The following CSMD2 variants were observed in gnomAD, a reference collection of about 807,000 sequenced individuals.
CSMD2 encodes the protein CUB and sushi domain-containing protein 2.
In CSMD2, 130 loss-of-function variants were observed where a neutral mutation model predicts 398.5. The ratio of observed to expected loss-of-function variants is 0.33; its 90% CI spans 0.28 to 0.38. The LOEUF is 0.38. Ranked by LOEUF, CSMD2 falls within the 10% of genes least tolerant of loss-of-function variation. The pLI is 1.00. For missense variants in CSMD2, 3,829 were observed against 4,764.9 expected, an observed-to-expected ratio of 0.80 and a Z score of 5.78; for synonymous variants, 1,828 against 1,908.5, an observed-to-expected ratio of 0.96 and a Z score of 1.10.
At chr1:34,023,137 A>AT (rs1649147265) in intron 3 of CSMD2, among the ~76,000 whole-genome samples, 1 of 152,164 alleles carries the variant, frequency 6.6e-6, no homozygotes, top group Non-Finnish European at 1.5e-5. Flanking sequence ...CACTCGAAGG[A>AT]TTTAAAGGGC....
chr1:34,108,419 A>G (rs72884223), intron 1 of CSMD2, among the ~76,000 whole-genome samples: 2,281 of 152,210 alleles, frequency 0.015, 62 homozygotes, highest in African/African-American at 0.052. Flanking sequence ...CTATCTATGG[A>G]ATGAGGTTCT....
chr1:33,754,752 G>A lies in CSMD2; in HGVS notation c.1847-11146C>T, dbSNP rs371220414. 3.9e-5 allele frequency among the ~76,000 whole-genome samples: 6 copies of A among 152,276 alleles called. No individual in the cohort carries two copies. In the East Asian group the frequency reaches 5.8e-4, roughly 15 times the overall value. On this transcript the variant is annotated intron_variant, in intron 13 of 70. Coordinates refer to ENST00000373381, the MANE Select transcript of CSMD2 (RefSeq NM_001281956.2). ...AATGGAGTTATGCTAAAAATTTTTT[G>A]ATGGGTAATTTATAGGGAAATTGTT...
At chr1:34,136,039 G>A (rs748236108) in intron 1 of CSMD2, among the ~76,000 whole-genome samples, 1 of 152,074 alleles carries the variant, frequency 6.6e-6, no homozygotes, top group Non-Finnish European at 1.5e-5. Flanking sequence ...AAGAGAAGGA[G>A]CAAGCAGGAG....
intron 1 of CSMD2, among the ~76,000 whole-genome samples, chr1:34,126,552 C>A (rs544026638): frequency 2.3e-4 from 35 of 151,016 alleles, no homozygotes; most frequent in African/African-American, 7.8e-4. Context: ...AGGTGCTGTG[C>A]TCCCATTTTG....
chr1:33,521,268 T>C (rs1654256105), intron 68 of CSMD2, among the ~76,000 whole-genome samples, 195 bp downstream of exon 68: 1 of 152,194 alleles, frequency 6.6e-6, no homozygotes, highest in African/African-American at 2.4e-5. Context: ...GAGTGGGTTA[T>C]GCACATGTGT....
At chr1:34,087,982 G>GC (rs906317817) in intron 2 of CSMD2, among the ~76,000 whole-genome samples, 117 of 152,006 alleles carry the variant, frequency 7.7e-4, no homozygotes, top group Admixed American at 2.1e-3. Flanking sequence ...GGCCCCAGAT[G>GC]CCCCCCCGCC....
At chr1:33,532,437 C>T (rs1655327073) in intron 64 of CSMD2, among the ~76,000 whole-genome samples, 1 of 152,196 alleles carries the variant, frequency 6.6e-6, no homozygotes, top group Non-Finnish European at 1.5e-5. Context: ...CAGACATCAC[C>T]TTCTCCAGGA....
At position 33,833,735 on chromosome 1, in the gene CSMD2, T is replaced by C. The variant is rs1166947449; in HGVS notation, c.1034-7961A>G. 8.6e-5 allele frequency among the ~76,000 whole-genome samples: 13 copies of C among 152,002 alleles called. 1 individual carries two copies. The highest frequency in any genetic ancestry group is 4.4e-5 in the Non-Finnish European group (3 of 67,982). ...TTGTCCCTGTTTGCAGATGACATGA[T>C]TGTATATCTAGAAAACCCCATTGTC... On this transcript the variant is annotated intron_variant, in intron 6 of 70. Transcript: ENST00000373381.
chr1:33,579,171 T>A (rs764031804), intron 48 of CSMD2, among the ~76,000 whole-genome samples: 1 of 152,184 alleles, frequency 6.6e-6, no homozygotes, highest in Admixed American at 6.5e-5. Flanking sequence ...CTTAATAACG[T>A]TCAGTTCCTA....
chr1:33,940,203 C>T (rs1644620949), intron 3 of CSMD2, among the ~76,000 whole-genome samples: 1 of 152,124 alleles, frequency 6.6e-6, no homozygotes, highest in Non-Finnish European at 1.5e-5. Flanking sequence ...ACGGTGTTCT[C>T]TTGCTTTGTT....
At chr1:33,686,962 C>T (rs1048426640) in intron 25 of CSMD2, among the ~76,000 whole-genome samples, 1 of 152,206 alleles carries the variant, frequency 6.6e-6, no homozygotes, top group African/African-American at 2.4e-5. Flanking sequence ...TTGGGAATTA[C>T]AAGCCAGCCA....
intron 1 of CSMD2, among the ~76,000 whole-genome samples, chr1:34,123,821 C>CAAAA (rs1232722630): frequency 3.9e-5 from 6 of 151,916 alleles, no homozygotes; most frequent in Admixed American, 6.6e-5. Context: ...AAAAAAACAA[C>CAAAA]AACATGGCTT....
intron 58 of CSMD2, among the ~76,000 whole-genome samples, chr1:33,542,485 C>T (rs978001703): frequency 1.3e-5 from 2 of 152,206 alleles, no homozygotes; most frequent in Non-Finnish European, 2.9e-5. Flanking sequence ...AGCTACTTCA[C>T]GGAGTTACGG....
chr1:33,811,082 C>T (rs1293536242), intron 9 of CSMD2, among the ~76,000 whole-genome samples: 3 of 152,122 alleles, frequency 2.0e-5, no homozygotes, highest in Non-Finnish European at 4.4e-5. Context: ...CAATGATGAA[C>T]TTCTAAGGCA....
chr1:33,832,530 T>C (rs1345286391), intron 6 of CSMD2, among the ~76,000 whole-genome samples: 2 of 149,660 alleles, frequency 1.3e-5, no homozygotes, highest in Admixed American at 1.3e-4. Flanking sequence ...TAGCACTAAA[T>C]GCCCACAAGA....
chr1:33,773,579 G>A (rs1651569971), intron 12 of CSMD2, among the ~76,000 whole-genome samples: 1 of 152,136 alleles, frequency 6.6e-6, no homozygotes, highest in Admixed American at 6.5e-5. Context: ...CCAAGCCTCT[G>A]GAGCTTCCTC....
chr1:33,956,705 T>C (rs1464150102), intron 3 of CSMD2, among the ~76,000 whole-genome samples: 1 of 152,128 alleles, frequency 6.6e-6, no homozygotes, highest in Non-Finnish European at 1.5e-5. Flanking sequence ...GCTCCTGTGC[T>C]ACCTCCGTGG....
At chr1:33,972,687 G>T (rs1645816212) in intron 3 of CSMD2, among the ~76,000 whole-genome samples, 1 of 152,194 alleles carries the variant, frequency 6.6e-6, no homozygotes, top group African/African-American at 2.4e-5. Flanking sequence ...AGAGCCTCCA[G>T]AAGGAATCGG....
At chr1:33,608,876 G>T (rs1301496327) in intron 41 of CSMD2, among the ~76,000 whole-genome samples, 2 of 152,294 alleles carry the variant, frequency 1.3e-5, no homozygotes, top group East Asian at 1.9e-4. Flanking sequence ...CCAGTTTGTG[G>T]TACTTTCTTA....
Sources: gnomAD v4.1 joint callset for allele counts (sites outside exome capture counted in the v4.1 genomes callset) on GRCh38, gnomAD v4.1.1 for gene constraint, MANE v1.5 for transcripts, NCBI Gene and HGNC (gene_info 2026-07-23, HGNC 2026-07-21) for gene names.